Variants in ADAMTS19 observed in about 807,000 individuals in gnomAD.
ADAMTS19 encodes ADAM metallopeptidase with thrombospondin type 1 motif 19, also known as A disintegrin and metalloproteinase with thrombospondin motifs 19.
ADAMTS19 carries 93 observed loss-of-function variants against 153.3 expected under a neutral mutation model. The observed-to-expected ratio is 0.61, with a 90% CI of 0.51 to 0.72. The LOEUF is 0.72. Ranked by LOEUF, ADAMTS19 falls within the 30% of genes least tolerant of loss-of-function variation. The pLI is 0.00. For missense variants in ADAMTS19, 1,482 were observed against 1,552.1 expected, an observed-to-expected ratio of 0.95 and a Z score of 0.76; for synonymous variants, 600 against 556.6, an observed-to-expected ratio of 1.08 and a Z score of -1.10.
At chr5:129,509,673 T>C (rs943784168) in intron 3 of ADAMTS19, among the ~76,000 whole-genome samples, 2 of 151,966 alleles carry the variant, frequency 1.3e-5, no homozygotes, top group African/African-American at 4.8e-5. Flanking sequence ...CTTTTTCCCA[T>C]CTAAAATCAT....
Position 129,697,524 on chromosome 5 carries a change from A to G in ADAMTS19, c.2954+2669A>G, listed in dbSNP as rs186261617. Among the ~76,000 whole-genome samples, 6 of 152,374 alleles carry G rather than the reference A, an allele frequency of 3.9e-5. No homozygotes were observed. The East Asian group carries it at 5.8e-4, about 15-fold the overall frequency. ...TGCATAAGGGAAAAGTAATGGACATATCTTCAGTAATGTCATGTTCTTTGC... is the reference window on the plus strand; with the variant it reads ...TGCATAAGGGAAAAGTAATGGACATGTCTTCAGTAATGTCATGTTCTTTGC... On this transcript the variant is annotated intron_variant, in intron 19 of 22. Transcript: ENST00000274487.
intron 15 of ADAMTS19, among the ~76,000 whole-genome samples, chr5:129,665,133 G>C (rs906022947): frequency 6.6e-6 from 1 of 151,644 alleles, no homozygotes; most frequent in Non-Finnish European, 1.5e-5. Context: ...ACCTAAAGAA[G>C]TTCCCACAAC....
At chr5:129,603,671 G>T (rs900741955) in intron 8 of ADAMTS19, among the ~76,000 whole-genome samples, 2 of 152,064 alleles carry the variant, frequency 1.3e-5, no homozygotes, top group African/African-American at 4.8e-5. Flanking sequence ...ACCATTTTCT[G>T]ACCTTGCTAA....
intron 2 of ADAMTS19, among the ~76,000 whole-genome samples, chr5:129,469,025 C>T (rs1312520718): frequency 6.6e-6 from 1 of 152,088 alleles, no homozygotes; most frequent in Non-Finnish European, 1.5e-5. Flanking sequence ...GATCTGCCCA[C>T]CTCAGATTCC....
At chr5:129,662,838 T>A (rs951460409) in intron 15 of ADAMTS19, among the ~76,000 whole-genome samples, 1 of 151,192 alleles carries the variant, frequency 6.6e-6, no homozygotes, top group African/African-American at 2.4e-5. Context: ...ATCCATAGGG[T>A]CCCACTTCCC....
intron 6 of ADAMTS19, among the ~76,000 whole-genome samples, chr5:129,544,497 A>C (rs961855719): frequency 2.6e-5 from 4 of 152,142 alleles, no homozygotes; most frequent in African/African-American, 9.7e-5. Flanking sequence ...CAGTTCTTTT[A>C]ATTATGTGAG....
At chr5:129,468,596 C>T (rs574690604) in intron 2 of ADAMTS19, among the ~76,000 whole-genome samples, 3 of 150,608 alleles carry the variant, frequency 2.0e-5, no homozygotes, top group Non-Finnish European at 4.5e-5. Flanking sequence ...TCATGATCCG[C>T]CCACCTTGGC....
intron 2 of ADAMTS19, among the ~76,000 whole-genome samples, chr5:129,503,559 C>T (rs1366341656): frequency 6.6e-6 from 1 of 152,130 alleles, no homozygotes; most frequent in Non-Finnish European, 1.5e-5. Flanking sequence ...TAAAGCCAGG[C>T]TGGGTGCCAT....
At chr5:129,608,325 T>C (rs1394171036) in intron 8 of ADAMTS19, among the ~76,000 whole-genome samples, 4 of 151,592 alleles carry the variant, frequency 2.6e-5, no homozygotes, top group African/African-American at 9.7e-5. Flanking sequence ...AGAATGGTGG[T>C]TACCAGGAGC....
Position 129,738,066 on chromosome 5 carries a change from G to C in ADAMTS19, c.*848G>C, listed in dbSNP as rs1237510540. On this transcript the variant is annotated 3_prime_UTR_variant, in exon 23 of 23. Transcript: ENST00000274487. ...CCCATTTCCCTGTATCTTTTTAGCA[G>C]ATTTATTAAAGAGTATAGTACTTAG... is the stretch of plus-strand genomic sequence containing the variant. 1 of 152,318 alleles carries C rather than the reference G, an allele frequency of 6.6e-6. No homozygotes were observed. Among genetic ancestry groups the C allele is most frequent in the African/African-American group, 2.4e-5 (1 of 41,372 alleles). The allele number at this position is 152,318 out of a possible 1,614,324, so 9.4% of individuals were successfully genotyped here. A position where few individuals can be genotyped will look rare whatever the true frequency, so the allele number is the denominator to read the frequency against.
intron 2 of ADAMTS19, among the ~76,000 whole-genome samples, chr5:129,475,667 T>G (rs1750201681): frequency 6.6e-6 from 1 of 152,124 alleles, no homozygotes; most frequent in Admixed American, 6.6e-5. Flanking sequence ...ACCCCATCTG[T>G]ACTAAAAATA....
intron 3 of ADAMTS19, among the ~76,000 whole-genome samples, chr5:129,518,306 G>C (rs535571744): frequency 2.7e-4 from 41 of 152,178 alleles, no homozygotes; most frequent in Admixed American, 2.4e-3. Flanking sequence ...TGTACCTTCA[G>C]ATGATTATGT....
intron 6 of ADAMTS19, among the ~76,000 whole-genome samples, chr5:129,533,193 T>A (rs2126779167): frequency 6.6e-6 from 1 of 152,182 alleles, no homozygotes; most frequent in Non-Finnish European, 1.5e-5. Flanking sequence ...TAGGCAGAAT[T>A]CATCTGTGGT....
At chr5:129,580,644 G>C (rs532406877) in intron 7 of ADAMTS19, among the ~76,000 whole-genome samples, 5 of 152,230 alleles carry the variant, frequency 3.3e-5, no homozygotes, top group Admixed American at 2.0e-4. Context: ...CAGCATGAAG[G>C]GGTGTTGAAT....
intron 18 of ADAMTS19, among the ~76,000 whole-genome samples, chr5:129,691,985 C>T (rs1755359471): frequency 6.6e-6 from 1 of 152,042 alleles, no homozygotes; most frequent in East Asian, 1.9e-4. Flanking sequence ...TTCTGGATAA[C>T]GCCCATCATC....
intron 2 of ADAMTS19, among the ~76,000 whole-genome samples, chr5:129,464,200 T>C (rs1749781047): frequency 6.6e-6 from 1 of 152,202 alleles, no homozygotes; most frequent in Non-Finnish European, 1.5e-5. Context: ...AGAAATGATC[T>C]TAAAATGTCT....
intron 3 of ADAMTS19, among the ~76,000 whole-genome samples, chr5:129,511,965 C>T (rs1751450441): frequency 6.6e-6 from 1 of 151,840 alleles, no homozygotes; most frequent in Non-Finnish European, 1.5e-5. Flanking sequence ...AGGAATAACA[C>T]ATGAAAAAGT....
At chr5:129,569,167 CA>C (rs1049576016) in intron 7 of ADAMTS19, among the ~76,000 whole-genome samples, 5 of 151,804 alleles carry the variant, frequency 3.3e-5, no homozygotes, top group African/African-American at 1.2e-4. Context: ...AAAAACAAAA[CA>C]AAAAAACCCT....
intron 7 of ADAMTS19, among the ~76,000 whole-genome samples, chr5:129,552,217 T>C (rs981935289): frequency 2.6e-5 from 4 of 151,800 alleles, no homozygotes; most frequent in African/African-American, 7.3e-5. Flanking sequence ...AAAGACAAAA[T>C]ATATTAATGA....
Sources: gnomAD v4.1 joint callset for allele counts (sites outside exome capture counted in the v4.1 genomes callset) on GRCh38, gnomAD v4.1.1 for gene constraint, MANE v1.5 for transcripts, NCBI Gene and HGNC (gene_info 2026-07-23, HGNC 2026-07-21) for gene names.